NDUFC2: variants seen among roughly 807,000 people sequenced by gnomAD.
The protein encoded by NDUFC2 is NADH dehydrogenase [ubiquinone] 1 subunit C2.
NDUFC2 carries 2 observed loss-of-function variants against 10.1 expected under a neutral mutation model. The ratio of observed to expected loss-of-function variants is 0.20; its 90% confidence interval spans 0.08 to 0.62. The LOEUF (loss-of-function observed/expected upper bound fraction) is 0.62, where lower values mean the gene tolerates loss of function less well. Among genes scored for constraint, NDUFC2 ranks in the 20% least tolerant of loss-of-function variants. The probability of loss-of-function intolerance (pLI) is 0.87; values close to 1 mark genes in which losing one functional copy is unlikely to be tolerated. For synonymous variants in NDUFC2, 61 were observed against 63.6 expected (o/e 0.96, Z 0.20); for missense variants, 156 against 159.6 (o/e 0.98, Z 0.12).
In NDUFC2 at chr11:78,079,712, C is replaced by T; in HGVS notation, c.33G>A (p.Arg11=). 6.2e-7 allele frequency: 1 copy of T among 1,610,326 alleles called. No homozygotes were observed. Residue 11 remains arginine (R), a synonymous_variant, in exon 1 of 3, where the codon CGG becomes CGA. Transcript: ENST00000281031. MIARRNPEPL[R]FLPDEARSLP... is the part of the protein sequence containing the mutation. ...GGCTCCGGGCCTCATCCGGCAGAAA[C>T]CGTAAGGGTTCTGGGTTCCGCCGTG... is the stretch of plus-strand genomic sequence containing the variant.
At chr11:78,071,540 CTA>C (rs1555060236) in intron 2 of NDUFC2, among the ~76,000 whole-genome samples, 4 of 152,066 alleles carry the variant, frequency 2.6e-5, no homozygotes, top group Non-Finnish European at 1.5e-5. Context: ...TTTAATAAGG[CTA>C]TGTGTGCCAA....
At chr11:78,074,108 G>A (rs1038696845) in intron 1 of NDUFC2, among the ~76,000 whole-genome samples, 7 of 151,056 alleles carry the variant, frequency 4.6e-5, no homozygotes, top group African/African-American at 1.7e-4. Flanking sequence ...TTGAACTCCT[G>A]GGCTCAAGCG....
intron 2 of NDUFC2, 71 bp from the exon 3 acceptor site, chr11:78,070,107 A>G: frequency 9.3e-7 from 1 of 1,070,310 alleles, no homozygotes; most frequent in Non-Finnish European, 1.4e-6. Flanking sequence ...CTAAACGAAA[A>G]TTAACACTCA....
chr11:78,076,885 G>A (rs540579781), intron 1 of NDUFC2, among the ~76,000 whole-genome samples: 1 of 152,168 alleles, frequency 6.6e-6, no homozygotes, highest in Non-Finnish European at 1.5e-5. Flanking sequence ...AGTGCTTTCT[G>A]CTCACCCACC....
In NDUFC2 at chr11:78,070,166, C is replaced by G. The variant is rs7124965; in HGVS notation, c.311-130G>C. The G allele has an allele frequency of 0.023, 15,588 of 687,118 alleles. 1,638 individuals carry two copies. In the African/African-American group the frequency reaches 0.24, roughly 11 times the overall value. The allele number at this position is 687,118 out of a possible 1,614,324, so 42.6% of individuals were successfully genotyped here. ...CTGTGGTCTGAATGTTCATGTCCCCCCAAAGTTCATAAATTGAAATGTAAC... is the reference window on the plus strand; with the variant it reads ...CTGTGGTCTGAATGTTCATGTCCCCGCAAAGTTCATAAATTGAAATGTAAC... On this transcript the variant is annotated intron_variant, in intron 2 of 2. Coordinates refer to ENST00000281031, the MANE Select transcript of NDUFC2 (RefSeq NM_004549.6).
rs1217387438 is a variant in NDUFC2 at position 78,069,875 on chromosome 11, A to G, written c.*112T>C. 2 of 1,606,998 alleles carry G rather than the reference A, an allele frequency of 1.2e-6. No individual in the cohort carries two copies. ...AGTACTCATGGTACGTATTTTAATT[A>G]CAAGGTGTCAACATACAGATTAGCA... On this transcript the variant is annotated 3_prime_UTR_variant, in exon 3 of 3. Transcript: ENST00000281031.
At chr11:78,079,444 C>G in intron 1 of NDUFC2, 135 bp downstream of exon 1, 1 of 1,315,422 alleles carries the variant, frequency 7.6e-7, no homozygotes, top group Non-Finnish European at 1.0e-6. Context: ...GCGGACTCCC[C>G]GGAAAGGCGA....
intron 1 of NDUFC2, among the ~76,000 whole-genome samples, chr11:78,078,743 T>TTTTTTTTTTTTTTTTTTTTTTTTTA (rs1859362696): frequency 7.0e-6 from 1 of 142,912 alleles, no homozygotes; most frequent in African/African-American, 2.6e-5. Context: ...TTTTTTTTTT[T>TTTTTTTTTTTTTTTTTTTTTTTTTA]GAGACAGGGT....
Position 78,069,787 on chromosome 11 carries a change from G to A in NDUFC2, c.*200C>T, listed in dbSNP as rs1366024833. ...ACCTCATCTTAAAATCTTTCAGATGGGTGAATGGAAACTGACCATTCTCTG... is the reference window on the plus strand; with the variant it reads ...ACCTCATCTTAAAATCTTTCAGATGAGTGAATGGAAACTGACCATTCTCTG... On this transcript the variant is annotated 3_prime_UTR_variant, in exon 3 of 3. Coordinates refer to ENST00000281031, the MANE Select transcript of NDUFC2 (RefSeq NM_004549.6). 2 of 1,231,594 alleles carry A rather than the reference G, an allele frequency of 1.6e-6. No individual in the cohort carries two copies. The highest frequency in any genetic ancestry group is 1.4e-5 in the South Asian group (1 of 71,214). The allele number at this position is 1,231,594 out of a possible 1,614,324, so 76.3% of individuals were successfully genotyped here. A position where few individuals can be genotyped will look rare whatever the true frequency, so the allele number is the denominator to read the frequency against.
At chr11:78,071,861 G>A (rs1392434323) in intron 2 of NDUFC2, among the ~76,000 whole-genome samples, 1 of 152,148 alleles carries the variant, frequency 6.6e-6, no homozygotes. Flanking sequence ...GTAATATAGG[G>A]CAGGTTCGGG....
At chr11:78,077,553 G>C (rs111255963) in intron 1 of NDUFC2, among the ~76,000 whole-genome samples, 91 of 152,206 alleles carry the variant, frequency 6.0e-4, no homozygotes, top group East Asian at 5.8e-3. Context: ...GAGCAAGTCT[G>C]TTTATTTATT....
rs759815188 is a variant in NDUFC2 at position 78,073,084 on chromosome 11, A to G, written c.224T>C (p.Val75Ala). ...AGCATACAGGTAGTCTTCACGTTTT[A>G]CAAGATAATATCCAGCAAAAAAAAA... is the stretch of plus-strand genomic sequence containing the variant. ...TAFFFAGYYL[V>A]KREDYLYAVR... The change falls in exon 2 of 3, where the codon GTA becomes GCA. Residue 75 changes from valine to alanine, a missense_variant. Transcript: ENST00000281031. 6.2e-7 allele frequency: 1 copy of G among 1,614,162 alleles called. No homozygotes were observed. Among genetic ancestry groups the G allele is most frequent in the Non-Finnish European group, 8.5e-7 (1 of 1,180,030 alleles).
chr11:78,078,728 C>CTTTTTTTGTTTTTTTTTT (rs1859358740), intron 1 of NDUFC2, among the ~76,000 whole-genome samples: 1 of 61,642 alleles, frequency 1.6e-5, no homozygotes, highest in Non-Finnish European at 3.0e-5. Context: ...TCAGGATCCG[C>CTTTTTTTGTTTTTTTTTT]TTTTTTTTTT....
intron 1 of NDUFC2, among the ~76,000 whole-genome samples, chr11:78,078,743 T>TTTTTTTTA: frequency 7.0e-6 from 1 of 142,912 alleles, no homozygotes; most frequent in East Asian, 2.0e-4. Context: ...TTTTTTTTTT[T>TTTTTTTTA]GAGACAGGGT....
chr11:78,079,286 A>C (rs535763988), intron 1 of NDUFC2, among the ~76,000 whole-genome samples: 11 of 152,306 alleles, frequency 7.2e-5, no homozygotes, highest in African/African-American at 2.6e-4. Flanking sequence ...GCATGGAGTC[A>C]TGGCTCATTT....
intron 2 of NDUFC2, among the ~76,000 whole-genome samples, chr11:78,071,254 A>ATTTTT (rs34320551): frequency 2.3e-5 from 3 of 127,736 alleles, no homozygotes; most frequent in Non-Finnish European, 4.9e-5. Context: ...TAACAGAAGA[A>ATTTTT]TTTTTTTTTT....
rs577530232 is a variant in NDUFC2, at chr11:78,069,864, G to A, written c.*123C>T. ...TAAAGAGTCAGAGTACTCATGGTAC[G>A]TATTTTAATTACAAGGTGTCAACAT... On this transcript the variant is annotated 3_prime_UTR_variant, in exon 3 of 3. Coordinates refer to ENST00000281031, the MANE Select transcript of NDUFC2 (RefSeq NM_004549.6). 33 of 1,595,944 alleles carry A rather than the reference G, an allele frequency of 2.1e-5. No individual in the cohort carries two copies. The highest frequency in any genetic ancestry group is 8.0e-5 in the African/African-American group (6 of 74,620).
chr11:78,069,714 G>T lies in NDUFC2; in HGVS notation c.*273C>A. 1.6e-6 allele frequency: 1 copy of T among 644,032 alleles called. No individual in the cohort carries two copies. The highest frequency in any genetic ancestry group is 2.6e-6 in the Non-Finnish European group (1 of 379,334). 39.9% of individuals were successfully genotyped at this position (644,032 alleles called of 1,614,324 possible). On this transcript the variant is annotated 3_prime_UTR_variant, in exon 3 of 3. Transcript: ENST00000281031. ...GGCTGTGTTCCAATGAGACTTTATT[G>T]GCAGTGGGCCAGATTTGGGTAGTCT...
chr11:78,075,011 T>C (rs1859183737), intron 1 of NDUFC2, among the ~76,000 whole-genome samples: 1 of 152,208 alleles, frequency 6.6e-6, no homozygotes, highest in Non-Finnish European at 1.5e-5. Context: ...CCTCATTCTC[T>C]CTTAGTGGTC....
Sources: gnomAD v4.1 joint callset for allele counts (sites outside exome capture counted in the v4.1 genomes callset) on GRCh38, gnomAD v4.1.1 for gene constraint, MANE v1.5 for transcripts, NCBI Gene and HGNC (gene_info 2026-07-23, HGNC 2026-07-21) for gene names.